PAPPA2: variants seen among roughly 807,000 people sequenced by gnomAD.
PAPPA2 encodes pappalysin 2.
In PAPPA2, 86 loss-of-function variants were observed where a neutral mutation model predicts 176.4. That is an observed-to-expected ratio of 0.49 (90% CI 0.41 to 0.58). PAPPA2 has a LOEUF of 0.58. Ranked by LOEUF, PAPPA2 falls within the 20% of genes least tolerant of loss-of-function variation. The pLI is 0.00. For synonymous variants in PAPPA2, 809 were observed against 852.2 expected (o/e 0.95, Z 0.88); for missense variants, 2,073 against 2,256.9 (o/e 0.92, Z 1.65).
intron 1 of PAPPA2, among the ~76,000 whole-genome samples, chr1:176,476,178 G>T (rs1652113761): frequency 1.3e-5 from 2 of 152,176 alleles, no homozygotes; most frequent in Non-Finnish European, 2.9e-5. Flanking sequence ...TCTCAAGAAA[G>T]CCCCTGTCTC....
chr1:176,676,131 G>A (rs1018604527), intron 4 of PAPPA2, among the ~76,000 whole-genome samples: 6 of 151,958 alleles, frequency 3.9e-5, no homozygotes, highest in Non-Finnish European at 7.4e-5. Flanking sequence ...ATTGATGGTG[G>A]GAAAGTGAAA....
intron 6 of PAPPA2, among the ~76,000 whole-genome samples, chr1:176,693,151 T>C (rs1389185442): frequency 6.6e-6 from 1 of 152,244 alleles, no homozygotes; most frequent in Non-Finnish European, 1.5e-5. Flanking sequence ...TTCTGTGACC[T>C]GTGCAGACTG....
intron 1 of PAPPA2, among the ~76,000 whole-genome samples, chr1:176,548,822 A>G (rs1203804622): frequency 6.6e-6 from 1 of 151,870 alleles, no homozygotes; most frequent in Admixed American, 6.6e-5. Context: ...CTAGTTGTAA[A>G]TGGGGATGAA....
At chr1:176,652,818 G>T (rs1293514164) in intron 3 of PAPPA2, among the ~76,000 whole-genome samples, 1 of 151,636 alleles carries the variant, frequency 6.6e-6, no homozygotes, top group Non-Finnish European at 1.5e-5. Context: ...TGAGTTAGGG[G>T]AATTTTCTGC....
intron 1 of PAPPA2, among the ~76,000 whole-genome samples, chr1:176,506,297 C>A (rs1648260781): frequency 6.6e-6 from 1 of 151,128 alleles, no homozygotes; most frequent in African/African-American, 2.4e-5. Context: ...GCTTCTGGCT[C>A]TGTTCTTTTT....
chr1:176,551,053 G>A (rs925122718), intron 1 of PAPPA2, among the ~76,000 whole-genome samples: 2 of 152,136 alleles, frequency 1.3e-5, no homozygotes, highest in African/African-American at 4.8e-5. Flanking sequence ...CTGGCCCTGC[G>A]ATTAATTGTG....
chr1:176,675,939 C>G (rs944492405), intron 4 of PAPPA2, among the ~76,000 whole-genome samples: 1 of 151,988 alleles, frequency 6.6e-6, no homozygotes, highest in Admixed American at 6.6e-5. Flanking sequence ...AGACATTTTA[C>G]TACAGATGAT....
rs1185341844 is a variant in PAPPA2 at position 176,595,441 on chromosome 1, C to T, written c.1837C>T (p.Arg613Cys). ...CACAGGCTATGATGGGGGTGACTGCCGCCTGCAGGGCCGCTGCTACTCCTG... is the reference window on the plus strand; with the variant it reads ...CACAGGCTATGATGGGGGTGACTGCTGCCTGCAGGGCCGCTGCTACTCCTG... ...PLTGYDGGDCRLQGRCYSWNR... is the reference protein window; with the variant it reads ...PLTGYDGGDCCLQGRCYSWNR... The change falls in exon 3 of 23, where the codon CGC (arginine) becomes TGC (cysteine). Residue 613 changes from arginine (R) to cysteine (C), a missense_variant. Physicochemically the swap from Arg to Cys is radical, Grantham distance 180. Coordinates refer to ENST00000367662, the MANE Select transcript of PAPPA2 (RefSeq NM_020318.3). 3.7e-6 allele frequency: 6 copies of T among 1,614,032 alleles called. No homozygotes were observed. Among genetic ancestry groups the T allele is most frequent in the African/African-American group, 2.7e-5 (2 of 74,908 alleles).
At chr1:176,580,007 T>G (rs1328409477) in intron 2 of PAPPA2, among the ~76,000 whole-genome samples, 1 of 152,226 alleles carries the variant, frequency 6.6e-6, no homozygotes, top group Non-Finnish European at 1.5e-5. Context: ...TTTTTTGTAT[T>G]GGGAAAATTC....
chr1:176,668,775 T>C (rs1658811637), intron 3 of PAPPA2, among the ~76,000 whole-genome samples: 1 of 152,222 alleles, frequency 6.6e-6, no homozygotes, highest in South Asian at 2.1e-4. Flanking sequence ...TTTTAAAATA[T>C]ATTCTCTCCC....
At chr1:176,474,040 A>T in intron 1 of PAPPA2, among the ~76,000 whole-genome samples, 1 of 152,162 alleles carries the variant, frequency 6.6e-6, no homozygotes, top group East Asian at 1.9e-4. Flanking sequence ...AGTATGTATT[A>T]CTTCTGTTTA....
chr1:176,665,433 A>T (rs1439638082), intron 3 of PAPPA2, among the ~76,000 whole-genome samples: 1 of 152,102 alleles, frequency 6.6e-6, no homozygotes, highest in Non-Finnish European at 1.5e-5. Context: ...TTGGCGCCTG[A>T]TGCAATCCAA....
At chr1:176,736,852 T>C (rs1662441420) in intron 12 of PAPPA2, among the ~76,000 whole-genome samples, 1 of 151,758 alleles carries the variant, frequency 6.6e-6, no homozygotes, top group Non-Finnish European at 1.5e-5. Context: ...AGATATATTC[T>C]GTACCAAGAG....
At chr1:176,831,325 C>T (rs549187007) in intron 21 of PAPPA2, among the ~76,000 whole-genome samples, 6 of 152,296 alleles carry the variant, frequency 3.9e-5, no homozygotes, top group African/African-American at 1.4e-4. Context: ...ACATTCCCGT[C>T]AGGAATGGCT....
chr1:176,708,530 T>TAGAG (rs71565479), intron 10 of PAPPA2, among the ~76,000 whole-genome samples: 4,243 of 145,090 alleles, frequency 0.029, 123 homozygotes, highest in African/African-American at 0.071. Flanking sequence ...TACGTACATG[T>TAGAG]AGAGAGAGAG....
chr1:176,764,542 C>A (rs796350976), intron 14 of PAPPA2, among the ~76,000 whole-genome samples: 1 of 151,890 alleles, frequency 6.6e-6, no homozygotes, highest in South Asian at 2.1e-4. Context: ...TAATTATTAA[C>A]CTCTATGGTT....
intron 14 of PAPPA2, among the ~76,000 whole-genome samples, chr1:176,746,893 G>T (rs190416532): frequency 1.3e-5 from 2 of 152,266 alleles, no homozygotes; most frequent in Admixed American, 6.5e-5. Context: ...TGTAGTGTGT[G>T]TGTTTGCATG....
At position 176,828,984 on chromosome 1, in the gene PAPPA2, C is replaced by A. The variant is rs574672988; in HGVS notation, c.5203-11189C>A. On this transcript the variant is annotated intron_variant, in intron 21 of 22. Transcript: ENST00000367662. The stretch of plus-strand genomic sequence containing the variant: ...TGCCACTGCACTCCAGTCTGGGCAA[C>A]AACGCAAGACTCCATCTCAAAAAAA... Among the ~76,000 whole-genome samples, 5 of 151,936 alleles carry A rather than the reference C, an allele frequency of 3.3e-5. No homozygotes were observed. In the South Asian group the frequency reaches 6.3e-4, roughly 19 times the overall value.
intron 12 of PAPPA2, among the ~76,000 whole-genome samples, chr1:176,724,373 C>T (rs1401600255): frequency 6.6e-6 from 1 of 152,106 alleles, no homozygotes; most frequent in Non-Finnish European, 1.5e-5. Flanking sequence ...TCCTTTGTAT[C>T]TAAGTAATAT....
Sources: gnomAD v4.1 joint callset for allele counts (sites outside exome capture counted in the v4.1 genomes callset) on GRCh38, gnomAD v4.1.1 for gene constraint, MANE v1.5 for transcripts, NCBI Gene and HGNC (gene_info 2026-07-23, HGNC 2026-07-21) for gene names.